KAZN: variants seen among roughly 807,000 people sequenced by gnomAD.
KAZN encodes kazrin.
In KAZN, 40 loss-of-function variants were observed where a neutral mutation model predicts 87.4. The observed-to-expected ratio is 0.46, with a 90% CI of 0.36 to 0.60. The LOEUF (loss-of-function observed/expected upper bound fraction) is 0.60, where lower values mean the gene tolerates loss of function less well. Among genes scored for constraint, KAZN ranks in the 20% least tolerant of loss-of-function variants. KAZN has a pLI of 0.00. For missense variants in KAZN, 898 were observed against 1,073.9 expected, an observed-to-expected ratio of 0.84 and a Z score of 2.29; for synonymous variants, 466 against 458.3, an observed-to-expected ratio of 1.02 and a Z score of -0.22.
chr1:14,081,086 T>G (rs1643656600), intron 1 of KAZN, among the ~76,000 whole-genome samples: 1 of 151,838 alleles, frequency 6.6e-6, no homozygotes, highest in African/African-American at 2.4e-5. Context: ...TCCATCACTC[T>G]ATGGACACAC....
chr1:14,473,675 T>A (rs929820061), intron 2 of KAZN, among the ~76,000 whole-genome samples: 3 of 151,452 alleles, frequency 2.0e-5, no homozygotes, highest in Middle Eastern at 3.4e-3. Context: ...AAAAAAACTC[T>A]TCATCATCAC....
At chr1:14,321,310 C>G (rs565064012) in intron 2 of KAZN, among the ~76,000 whole-genome samples, 2 of 152,256 alleles carry the variant, frequency 1.3e-5, no homozygotes, top group South Asian at 4.1e-4. Flanking sequence ...CATTTCGTAT[C>G]GCGAATGGCC....
intron 2 of KAZN, among the ~76,000 whole-genome samples, chr1:14,994,801 G>A (rs1005081864): frequency 2.0e-5 from 3 of 152,198 alleles, no homozygotes; most frequent in Admixed American, 1.3e-4. Flanking sequence ...GGCAAAGTGG[G>A]GATAATCAAA....
chr1:14,508,642 C>T (rs535800538), intron 2 of KAZN, among the ~76,000 whole-genome samples: 12 of 152,226 alleles, frequency 7.9e-5, no homozygotes, highest in East Asian at 3.9e-4. Flanking sequence ...CAAGAGTTGC[C>T]GTAAGTGGAG....
intron 1 of KAZN, among the ~76,000 whole-genome samples, chr1:14,148,434 TA>T (rs1645399537): frequency 6.6e-6 from 1 of 152,208 alleles, no homozygotes; most frequent in Non-Finnish European, 1.5e-5. Flanking sequence ...TTACATTTTT[TA>T]TTTTTTATTT....
At chr1:14,154,953 T>TCTTCCTTCCTTCCTTC (rs77458563) in intron 1 of KAZN, among the ~76,000 whole-genome samples, 12,606 of 134,696 alleles carry the variant, frequency 0.094, 912 homozygotes, top group East Asian at 0.17. Flanking sequence ...TTGTAGTTTT[T>TCTTCCTTCCTTCCTTC]CTTCCTTCCT....
chr1:13,900,398 T>C (rs1639206737), intron 1 of KAZN, among the ~76,000 whole-genome samples: 1 of 152,182 alleles, frequency 6.6e-6, no homozygotes, highest in Non-Finnish European at 1.5e-5. Context: ...GGTGATCTCC[T>C]TGGGACTCAT....
At chr1:14,323,196 T>C (rs1656168741) in intron 2 of KAZN, among the ~76,000 whole-genome samples, 1 of 152,034 alleles carries the variant, frequency 6.6e-6, no homozygotes, top group Admixed American at 6.6e-5. Flanking sequence ...ACGCAAAACC[T>C]AACCATATCA....
intron 2 of KAZN, among the ~76,000 whole-genome samples, chr1:14,331,467 G>A (rs1452976581): frequency 6.6e-6 from 1 of 152,176 alleles, no homozygotes; most frequent in Non-Finnish European, 1.5e-5. Flanking sequence ...GAAGTGAGAA[G>A]AGAGGGATTC....
intron 1 of KAZN, among the ~76,000 whole-genome samples, chr1:14,150,869 G>A (rs565250139): frequency 6.6e-6 from 1 of 152,156 alleles, no homozygotes; most frequent in Non-Finnish European, 1.5e-5. Flanking sequence ...AATAACTAAT[G>A]TATATTTCAG....
At chr1:14,754,302 A>G (rs576631222) in intron 1 of KAZN, among the ~76,000 whole-genome samples, 1 of 152,324 alleles carries the variant, frequency 6.6e-6, no homozygotes, top group African/African-American at 2.4e-5. Flanking sequence ...TATAAAACAC[A>G]GCCTTTAAAC....
intron 2 of KAZN, among the ~76,000 whole-genome samples, chr1:14,548,437 G>A (rs1259941637): frequency 6.6e-6 from 1 of 152,062 alleles, no homozygotes; most frequent in South Asian, 2.1e-4. Context: ...GACATCAGGT[G>A]ATCCGCCCAC....
chr1:14,291,881 T>C (rs1383453085), intron 2 of KAZN, among the ~76,000 whole-genome samples: 1 of 152,220 alleles, frequency 6.6e-6, no homozygotes, highest in Non-Finnish European at 1.5e-5. Context: ...CAGTTCTCTC[T>C]CCTGCTGCCA....
At chr1:14,451,705 G>A (rs1008741247) in intron 2 of KAZN, among the ~76,000 whole-genome samples, 2 of 152,222 alleles carry the variant, frequency 1.3e-5, no homozygotes, top group African/African-American at 4.8e-5. Flanking sequence ...TCAGCAAGCT[G>A]AAGACCCAAG....
At chr1:13,944,413 C>T (rs1038488629) in intron 1 of KAZN, among the ~76,000 whole-genome samples, 8 of 152,066 alleles carry the variant, frequency 5.3e-5, no homozygotes. Context: ...AGGATTTTAT[C>T]GGGGGGTAAA....
chr1:14,138,419 A>C (rs184683194), intron 1 of KAZN, among the ~76,000 whole-genome samples: 143 of 152,282 alleles, frequency 9.4e-4, no homozygotes, highest in Non-Finnish European at 1.3e-3. Flanking sequence ...AAGTTAAGAA[A>C]GTTCCCTGGA....
At chr1:14,226,959 C>A (rs1347689243) in intron 2 of KAZN, among the ~76,000 whole-genome samples, 1 of 152,074 alleles carries the variant, frequency 6.6e-6, no homozygotes, top group Non-Finnish European at 1.5e-5. Flanking sequence ...ACGCTGATAA[C>A]CTAGGTGACA....
chr1:14,483,422 T>G (rs776855174), intron 2 of KAZN, among the ~76,000 whole-genome samples: 10 of 152,122 alleles, frequency 6.6e-5, no homozygotes, highest in Non-Finnish European at 1.0e-4. Flanking sequence ...CATGAATCAA[T>G]CCAAGAAGGA....
At chr1:14,099,590 C>T (rs149756163) in intron 1 of KAZN, among the ~76,000 whole-genome samples, 4 of 152,256 alleles carry the variant, frequency 2.6e-5, no homozygotes, top group African/African-American at 9.6e-5. Context: ...AGGAAACTGC[C>T]TTGAGAGATA....
Sources: gnomAD v4.1 joint callset for allele counts (sites outside exome capture counted in the v4.1 genomes callset) on GRCh38, gnomAD v4.1.1 for gene constraint, MANE v1.5 for transcripts, NCBI Gene and HGNC (gene_info 2026-07-23, HGNC 2026-07-21) for gene names.